The following SLC15A5 variants were observed in gnomAD, a reference collection of about 807,000 sequenced individuals.
SLC15A5 encodes solute carrier family 15 member 5, also known as Peptide/histidine transporter ENSP00000340402.
Under a neutral mutation model 56.1 loss-of-function variants are expected in SLC15A5, and 58 were observed. The observed-to-expected ratio is 1.03, with a 90% CI of 0.84 to 1.29. SLC15A5 has a LOEUF of 1.29. SLC15A5 is among the 50% of genes most tolerant of loss of function. SLC15A5 has a pLI of 0.00. For synonymous variants in SLC15A5, 264 were observed against 250.5 expected (o/e 1.05, Z -0.51); for missense variants, 681 against 672.1 (o/e 1.01, Z -0.15).
chr12:16,189,028 C>A lies in SLC15A5; in HGVS notation c.*640G>T, dbSNP rs1863814858. 2 of 152,028 alleles carry A rather than the reference C, an allele frequency of 1.3e-5. No individual in the cohort carries two copies. The highest frequency in any genetic ancestry group is 1.3e-4 in the Admixed American group (2 of 15,246). The allele number at this position is 152,028 out of a possible 1,614,324, so 9.4% of individuals were successfully genotyped here. A position where few individuals can be genotyped will look rare whatever the true frequency, so the allele number is the denominator to read the frequency against. On this transcript the variant is annotated 3_prime_UTR_variant, in exon 9 of 9. Transcript: ENST00000344941. ...CTAATTTCCTTCTTTCTTTTAATTC[C>A]AATAATTCCATAACTTACATTTATT...
At chr12:16,253,973 T>C (rs562102828) in intron 3 of SLC15A5, among the ~76,000 whole-genome samples, 1 of 152,232 alleles carries the variant, frequency 6.6e-6, no homozygotes, top group East Asian at 1.9e-4. Context: ...TCTGAGGAAA[T>C]ATTTACATAC....
chr12:16,268,705 A>G (rs1005803723), intron 2 of SLC15A5, among the ~76,000 whole-genome samples: 1 of 152,174 alleles, frequency 6.6e-6, no homozygotes, highest in African/African-American at 2.4e-5. Flanking sequence ...TCTGAAACAC[A>G]GTAGTGGGTT....
intron 2 of SLC15A5, among the ~76,000 whole-genome samples, chr12:16,268,132 C>T (rs544793401): frequency 8.7e-6 from 1 of 115,114 alleles, no homozygotes; most frequent in Admixed American, 8.7e-5. Flanking sequence ...AATCCTGGCA[C>T]TTTGGAGGCC....
rs74328195 is a variant in SLC15A5 at position 16,258,432 on chromosome 12, G to A, written c.585-562C>T. On this transcript the variant is annotated intron_variant, in intron 2 of 8. Coordinates refer to ENST00000344941, the MANE Select transcript of SLC15A5 (RefSeq NM_001170798.1). ...TTCCCAATGATTAGTATCACAGAGA[G>A]GTACCTACCCCAGTAGTCTGGTTTG... 2.0e-4 allele frequency among the ~76,000 whole-genome samples: 31 copies of A among 152,148 alleles called. No homozygotes were observed. The East Asian group carries it at 6.0e-3, about 29-fold the overall frequency.
intron 5 of SLC15A5, among the ~76,000 whole-genome samples, chr12:16,225,445 T>C (rs184450573): frequency 2.8e-3 from 422 of 152,246 alleles, no homozygotes; most frequent in African/African-American, 9.6e-3. Flanking sequence ...AAAGCCAAAA[T>C]TGGCAAATGG....
Position 16,243,397 on chromosome 12 carries a change from C to T in SLC15A5, c.975+1183G>A, listed in dbSNP as rs576961537. Among the ~76,000 whole-genome samples, 7 of 151,956 alleles carry T rather than the reference C, an allele frequency of 4.6e-5. No homozygotes were observed. The highest frequency in any genetic ancestry group is 2.1e-4 in the South Asian group (1 of 4,810). On this transcript the variant is annotated intron_variant, in intron 4 of 8. Coordinates refer to ENST00000344941, the MANE Select transcript of SLC15A5 (RefSeq NM_001170798.1). The surrounding 1 kb of genome is among the most constrained non-coding windows in gnomAD (Gnocchi z 4.4). ...ACTAATTTTGTATTTTTAGTAGAGA[C>T]GGGGTTTCTCCATTTTGGTAAAGCT...
chr12:16,222,275 A>G (rs1417217112), intron 6 of SLC15A5, among the ~76,000 whole-genome samples: 1 of 152,166 alleles, frequency 6.6e-6, no homozygotes, highest in Non-Finnish European at 1.5e-5. Flanking sequence ...TTAGTCAGTG[A>G]CAGAACTGGG....
Position 16,276,146 on chromosome 12 carries a change from T to C in SLC15A5, c.361+1179A>G, listed in dbSNP as rs144550742. Among the ~76,000 whole-genome samples, 12 of 152,166 alleles carry C rather than the reference T, an allele frequency of 7.9e-5. No homozygotes were observed. In the East Asian group the frequency reaches 1.7e-3, roughly 22 times the overall value. On this transcript the variant is annotated intron_variant, in intron 1 of 8. Transcript: ENST00000344941. ...TAGTCAATAAGAAATATTTGTTGAATGTTGAGTGATTATTTGCCATGCAGT... is the reference window on the plus strand; with the variant it reads ...TAGTCAATAAGAAATATTTGTTGAACGTTGAGTGATTATTTGCCATGCAGT...
chr12:16,221,730 G>A (rs1864189627), intron 6 of SLC15A5, among the ~76,000 whole-genome samples: 1 of 152,220 alleles, frequency 6.6e-6, no homozygotes, highest in Non-Finnish European at 1.5e-5. Flanking sequence ...AGAGGAAGCA[G>A]GGAGAAAAGT....
At chr12:16,194,037 G>A (rs1443744620) in intron 8 of SLC15A5, among the ~76,000 whole-genome samples, 1 of 152,030 alleles carries the variant, frequency 6.6e-6, no homozygotes, top group African/African-American at 2.4e-5. Flanking sequence ...TTTGCTTTTA[G>A]TGGTAATGAT....
chr12:16,268,630 C>T (rs934745569), intron 2 of SLC15A5, among the ~76,000 whole-genome samples: 1 of 151,928 alleles, frequency 6.6e-6, no homozygotes, highest in Admixed American at 6.6e-5. Context: ...TGTTGAATTT[C>T]TCAATCAGGC....
At chr12:16,260,535 T>C (rs1565673447) in intron 2 of SLC15A5, among the ~76,000 whole-genome samples, 3 of 151,938 alleles carry the variant, frequency 2.0e-5, no homozygotes, top group African/African-American at 2.4e-5. Flanking sequence ...TTGTCAAAGG[T>C]CTTCATATAT....
At position 16,271,807 on chromosome 12, in the gene SLC15A5, G is replaced by C. The variant is rs544253707; in HGVS notation, c.584+754C>G. On this transcript the variant is annotated intron_variant, in intron 2 of 8. Coordinates refer to ENST00000344941, the MANE Select transcript of SLC15A5 (RefSeq NM_001170798.1). This position sits in a 1 kb window ranked among gnomAD's most constrained non-coding sequence, Gnocchi z 8.0. ...ATTTGTTTTCTTGAATTTGTATTTG[G>C]TAATATAAATTGTTTCCTTAAAAAA... Among the ~76,000 whole-genome samples the C allele has an allele frequency of 1.1e-4, 16 of 152,086 alleles. No individual in the cohort carries two copies. The highest frequency in any genetic ancestry group is 1.5e-4 in the Non-Finnish European group (10 of 67,978).
chr12:16,241,326 A>G (rs1033117693), intron 4 of SLC15A5, among the ~76,000 whole-genome samples: 8 of 152,162 alleles, frequency 5.3e-5, no homozygotes, highest in Admixed American at 1.3e-4. Flanking sequence ...CATTTGAAAC[A>G]TTTGCTAACC....
intron 7 of SLC15A5, among the ~76,000 whole-genome samples, chr12:16,201,796 A>G (rs1160288706): frequency 6.6e-6 from 1 of 152,148 alleles, no homozygotes; most frequent in African/African-American, 2.4e-5. Context: ...TCTTTCCTTT[A>G]TAAATTACCC....
In SLC15A5 at chr12:16,235,697, G is replaced by A. The variant is rs540051234; in HGVS notation, c.1162+3984C>T. On this transcript the variant is annotated intron_variant, in intron 5 of 8. Coordinates refer to ENST00000344941, the MANE Select transcript of SLC15A5 (RefSeq NM_001170798.1). This position sits in a 1 kb window ranked among gnomAD's most constrained non-coding sequence, Gnocchi z 4.1. ...TCCTCCTATCAAGTATTTTACAATG[G>A]GTACATACCATGATGTTTCTTGGGA... Among the ~76,000 whole-genome samples, 1 of 152,122 alleles carries A rather than the reference G, an allele frequency of 6.6e-6. No homozygotes were observed. Among genetic ancestry groups the A allele is most frequent in the Non-Finnish European group, 1.5e-5 (1 of 67,960 alleles).
At chr12:16,216,824 A>G in intron 7 of SLC15A5, 69 bp downstream of exon 7, 1 of 1,355,960 alleles carries the variant, frequency 7.4e-7, no homozygotes, top group Non-Finnish European at 9.7e-7. Context: ...CCCCTTTCTT[A>G]AGATTTGGTC....
chr12:16,257,902 A>G, intron 2 of SLC15A5, 32 bp from the exon 3 acceptor site: 6 of 1,365,168 alleles, frequency 4.4e-6, no homozygotes, highest in Non-Finnish European at 5.6e-6. Flanking sequence ...AAATAAAAAT[A>G]CCATTGAATT....
At chr12:16,263,678 G>A (rs896132874) in intron 2 of SLC15A5, among the ~76,000 whole-genome samples, 2 of 152,138 alleles carry the variant, frequency 1.3e-5, no homozygotes, top group African/African-American at 4.8e-5. Flanking sequence ...TGTGGGCCAG[G>A]CCTAGGGTCC....
Sources: allele counts gnomAD v4.1 joint callset (sites outside exome capture counted in the v4.1 genomes callset), GRCh38; gene constraint gnomAD v4.1.1; non-coding constraint Gnocchi (gnomAD v3.1); transcripts MANE v1.5; gene names NCBI Gene and HGNC (gene_info 2026-07-23, HGNC 2026-07-21).